Variants in GASK1B observed in about 807,000 individuals in gnomAD.
GASK1B encodes Golgi-associated kinase 1B.
GASK1B carries 34 observed loss-of-function variants against 42.8 expected under a neutral mutation model. The observed-to-expected ratio is 0.79, with a 90% CI of 0.60 to 1.06. The LOEUF is 1.06. Among genes scored for constraint, GASK1B ranks in the 50% least tolerant of loss-of-function variants. The pLI is 0.00. For missense variants in GASK1B, 686 were observed against 661.0 expected (o/e 1.04, Z -0.42); for synonymous variants, 262 against 259.1 (o/e 1.01, Z -0.11).
At chr4:158,145,540 T>C (rs888184436) in intron 3 of GASK1B, among the ~76,000 whole-genome samples, 4 of 152,226 alleles carry the variant, frequency 2.6e-5, no homozygotes, top group Non-Finnish European at 1.5e-5. Flanking sequence ...CTCTTTCTTA[T>C]AGACTCTCTT....
intron 3 of GASK1B, among the ~76,000 whole-genome samples, chr4:158,131,491 T>TGAAATCACATAGAA (rs1164283207): frequency 6.6e-6 from 1 of 152,148 alleles, no homozygotes; most frequent in African/African-American, 2.4e-5. Context: ...TAAGCTAACT[T>TGAAATCACATAGAA]GAAATCACAT....
At position 158,171,183 on chromosome 4, in the gene GASK1B, C is replaced by T. The variant is rs781289712; in HGVS notation, c.193G>A (p.Ala65Thr). ...CTGCGATGTGGCCCCTTCTCAGCCG[C>T]CTGTCCATGCTGGAGAGAGGCCCTC... is the stretch of plus-strand genomic sequence containing the variant. ...VGRASLQHGQ[A>T]AEKGPHRSRD... The change falls in exon 2 of 5, where the codon GCG (alanine) becomes ACG (threonine). Residue 65 changes from alanine to threonine, a missense_variant. Physicochemically the swap from Ala to Thr is moderately conservative, Grantham distance 58. Transcript: ENST00000585682. 2.5e-6 allele frequency: 4 copies of T among 1,612,552 alleles called. No individual in the cohort carries two copies. Among genetic ancestry groups the T allele is most frequent in the Admixed American group, 1.7e-5 (1 of 59,918 alleles).
intron 3 of GASK1B, among the ~76,000 whole-genome samples, chr4:158,144,012 G>A (rs550625922): frequency 2.0e-5 from 3 of 151,962 alleles, no homozygotes; most frequent in African/African-American, 4.8e-5. Context: ...CTACTTTTTT[G>A]TCATGTTTTA....
intron 3 of GASK1B, among the ~76,000 whole-genome samples, chr4:158,154,805 A>G (rs1731696469): frequency 6.6e-6 from 1 of 152,160 alleles, no homozygotes; most frequent in Admixed American, 6.6e-5. Flanking sequence ...AAGCTAAGCT[A>G]TGAGGATGCA....
At position 158,170,802 on chromosome 4, in the gene GASK1B, C is replaced by T. The variant is rs779605406; in HGVS notation, c.574G>A (p.Gly192Ser). 1.2e-6 allele frequency: 2 copies of T among 1,614,064 alleles called. No individual in the cohort carries two copies. Among genetic ancestry groups the T allele is most frequent in the South Asian group, 2.2e-5 (2 of 91,082 alleles). Residue 192 changes from glycine to serine, a missense_variant, in exon 2 of 5, where the codon GGC becomes AGC. Physicochemically the swap from Gly to Ser is moderately conservative, Grantham distance 56. Coordinates refer to ENST00000585682, the MANE Select transcript of GASK1B (RefSeq NM_001128424.2). ...LVRGPGVRAGGPDFLQPSSRE... is the reference protein window; with the variant it reads ...LVRGPGVRAGSPDFLQPSSRE... ...GAGCTGGGCTGCAGGAAGTCTGGGC[C>T]CCCGGCTCGCACTCCCGGACCCCGC...
At chr4:158,143,830 C>T (rs1731227362) in intron 3 of GASK1B, among the ~76,000 whole-genome samples, 1 of 151,992 alleles carries the variant, frequency 6.6e-6, no homozygotes, top group Non-Finnish European at 1.5e-5. Flanking sequence ...TTTACCTACA[C>T]ATGCATTAAA....
chr4:158,156,286 T>A (rs1731757334), intron 2 of GASK1B, among the ~76,000 whole-genome samples: 1 of 152,184 alleles, frequency 6.6e-6, no homozygotes, highest in Non-Finnish European at 1.5e-5. Context: ...AGAAAAAGAA[T>A]TTTTAGAAGT....
intron 3 of GASK1B, among the ~76,000 whole-genome samples, chr4:158,151,345 G>A (rs1399749784): frequency 6.6e-6 from 1 of 152,152 alleles, no homozygotes; most frequent in Non-Finnish European, 1.5e-5. Flanking sequence ...ACTGACCATT[G>A]AAACACAGTA....
In GASK1B at chr4:158,144,954, G is replaced by T. The variant is rs748253975; in HGVS notation, c.1125+10657C>A. On this transcript the variant is annotated intron_variant, in intron 3 of 4. Transcript: ENST00000585682. ...AATGTCCAGGACCCTGGAGCACCAT[G>T]TCTCTTGCTGTCATAGCACCTGACT... Among the ~76,000 whole-genome samples, 10 of 152,168 alleles carry T rather than the reference G, an allele frequency of 6.6e-5. 1 individual carries two copies. The highest frequency in any genetic ancestry group is 1.3e-4 in the Non-Finnish European group (9 of 68,034).
chr4:158,165,354 A>G (rs1323788948), intron 2 of GASK1B, among the ~76,000 whole-genome samples: 14 of 152,180 alleles, frequency 9.2e-5, no homozygotes. Flanking sequence ...TAAATTATCG[A>G]AATGTATCAG....
intron 3 of GASK1B, among the ~76,000 whole-genome samples, chr4:158,144,621 C>T (rs939052292): frequency 6.6e-6 from 1 of 152,130 alleles, no homozygotes; most frequent in South Asian, 2.1e-4. Context: ...GAGAAGATGT[C>T]TCAAAAACAA....
Position 158,130,900 on chromosome 4 carries a change from G to A in GASK1B, c.1238C>T (p.Ala413Val). 1.1e-5 allele frequency: 18 copies of A among 1,614,066 alleles called. No homozygotes were observed. The highest frequency in any genetic ancestry group is 1.4e-5 in the Non-Finnish European group (17 of 1,179,968). ...KCDDQGSAAL[A>V]HIIQRKHDPR... is the part of the protein sequence containing the mutation. ...GTCATGCTTTCGCTGGATAATGTGTGCTAGAGCCGCAGAACCTTGGTCATC... is the reference window on the plus strand; with the variant it reads ...GTCATGCTTTCGCTGGATAATGTGTACTAGAGCCGCAGAACCTTGGTCATC... The change falls in exon 4 of 5, where the codon GCA becomes GTA. Residue 413 changes from alanine (A) to valine (V), a missense_variant. Ala to Val is a moderately conservative substitution (Grantham distance 64). Transcript: ENST00000585682.
At chr4:158,146,090 A>G (rs1157866800) in intron 3 of GASK1B, among the ~76,000 whole-genome samples, 1 of 152,134 alleles carries the variant, frequency 6.6e-6, no homozygotes, top group Non-Finnish European at 1.5e-5. Flanking sequence ...TATATATTTT[A>G]CTTTCAACAT....
chr4:158,170,265 G>A (rs1732418200), intron 2 of GASK1B: 4 of 1,614,232 alleles, frequency 2.5e-6, no homozygotes, highest in South Asian at 1.1e-5. Context: ...GTCCAATACA[G>A]CATTTCCCTG....
At position 158,141,597 on chromosome 4, in the gene GASK1B, C is replaced by CATTTTTTTTTTTTTTTTTTTTTTTTT. The variant is rs1553958620; in HGVS notation, c.1126-10586_1126-10585insAAAAAAAAAAAAAAAAAAAAAAAAAT. 1.8e-5 allele frequency among the ~76,000 whole-genome samples: 2 copies of CATTTTTTTTTTTTTTTTTTTTTTTTT among 113,694 alleles called. 1 individual carries two copies. 74.6% of individuals were successfully genotyped at this position (113,694 alleles called of 152,430 possible). A position where few individuals can be genotyped will look rare whatever the true frequency, so the allele number is the denominator to read the frequency against. ...CATAGGTCAGTGCCTTTGTATTTACCTTTTTTTTTTTTTTTTTTTTTTTTT... is the reference window on the plus strand; with the variant it reads ...CATAGGTCAGTGCCTTTGTATTTACCATTTTTTTTTTTTTTTTTTTTTTTTTTTTTTTTTTTTTTTTTTTTTTTTTT... On this transcript the variant is annotated intron_variant, in intron 3 of 4. Coordinates refer to ENST00000585682, the MANE Select transcript of GASK1B (RefSeq NM_001128424.2).
chr4:158,146,477 C>T (rs74808611), intron 3 of GASK1B, among the ~76,000 whole-genome samples: 3,057 of 152,108 alleles, frequency 0.02, 103 homozygotes, highest in African/African-American at 0.068. Flanking sequence ...TTATTGAGTG[C>T]CTACCATGTA....
rs201983332 is a variant in GASK1B at position 158,130,903 on chromosome 4, A to T, written c.1235T>A (p.Leu412Gln). The T allele has an allele frequency of 1.7e-4, 282 of 1,614,038 alleles. No homozygotes were observed. Among genetic ancestry groups the T allele is most frequent in the Non-Finnish European group, 2.2e-4 (255 of 1,179,996 alleles). The change falls in exon 4 of 5, where the codon CTA (leucine) becomes CAA (glutamine). Residue 412 changes from leucine to glutamine, a missense_variant. Transcript: ENST00000585682. ...ATGCTTTCGCTGGATAATGTGTGCT[A>T]GAGCCGCAGAACCTTGGTCATCACA... ...PKCDDQGSAA[L>Q]AHIIQRKHDP...
At chr4:158,160,770 T>A (rs1045837168) in intron 2 of GASK1B, among the ~76,000 whole-genome samples, 1 of 152,120 alleles carries the variant, frequency 6.6e-6, no homozygotes, top group Non-Finnish European at 1.5e-5. Context: ...AGTACTATTA[T>A]TCACCCTTTA....
chr4:158,149,923 C>CTGTTTTTTTTTTT (rs1553959259), intron 3 of GASK1B, among the ~76,000 whole-genome samples: 1 of 67,178 alleles, frequency 1.5e-5, no homozygotes, highest in Admixed American at 2.9e-4. Context: ...CTGCATGCTG[C>CTGTTTTTTTTTTT]TTTTTTTTTT....
Sources: gnomAD v4.1 joint callset for allele counts (sites outside exome capture counted in the v4.1 genomes callset) on GRCh38, gnomAD v4.1.1 for gene constraint, MANE v1.5 for transcripts, NCBI Gene and HGNC (gene_info 2026-07-23, HGNC 2026-07-21) for gene names.